Variants in TSHZ2 observed in about 807,000 individuals in gnomAD.
TSHZ2 encodes teashirt zinc finger homeobox 2, also known as teashirt homolog 2.
A neutral mutation model predicts 74.4 loss-of-function variants in TSHZ2; 21 were observed. The observed-to-expected ratio is 0.28, with a 90% confidence interval of 0.20 to 0.41. The LOEUF (loss-of-function observed/expected upper bound fraction) is 0.41. Among genes scored for constraint, TSHZ2 ranks in the 10% least tolerant of loss-of-function variants. The probability of loss-of-function intolerance (pLI) is 1.00; values close to 1 mark genes in which losing one functional copy is unlikely to be tolerated. For synonymous variants in TSHZ2, 540 were observed against 515.3 expected, an observed-to-expected ratio of 1.05 and a Z score of -0.65; for missense variants, 1,244 against 1,293.5, an observed-to-expected ratio of 0.96 and a Z score of 0.59.
chr20:53,393,618 T>C (rs1291750657), intron 2 of TSHZ2, among the ~76,000 whole-genome samples: 1 of 151,976 alleles, frequency 6.6e-6, no homozygotes, highest in Non-Finnish European at 1.5e-5. Flanking sequence ...CGGTGGTGAT[T>C]ACATAAATCT....
At chr20:53,369,823 C>T (rs528130767) in intron 2 of TSHZ2, among the ~76,000 whole-genome samples, 5 of 152,290 alleles carry the variant, frequency 3.3e-5, no homozygotes, top group East Asian at 3.9e-4. Context: ...AGGTTTTCAA[C>T]GACCTCATGA....
chr20:53,123,283 G>A (rs1289273751), intron 1 of TSHZ2, among the ~76,000 whole-genome samples: 1 of 152,158 alleles, frequency 6.6e-6, no homozygotes, highest in Non-Finnish European at 1.5e-5. Context: ...CATTTTTTTA[G>A]CTCACCAGTC....
At position 53,255,075 on chromosome 20, in the gene TSHZ2, T is replaced by C. The variant is rs1990434669; in HGVS notation, c.1617T>C (p.Ser539=). Residue 539 remains serine (S), a synonymous_variant, in exon 2 of 3, where the codon AGT becomes AGC. Transcript: ENST00000371497. This position sits in a 1 kb window ranked among gnomAD's most constrained non-coding sequence, Gnocchi z 4.1. ...NKAQNGAPSW[S]AYPSIHAAYQ... ...CCCAAAACGGGGCCCCCAGCTGGAGTGCCTACCCCAGCATCCACGCAGCCT... is the reference window on the plus strand; with the variant it reads ...CCCAAAACGGGGCCCCCAGCTGGAGCGCCTACCCCAGCATCCACGCAGCCT... 1 of 1,613,896 alleles carries C rather than the reference T, an allele frequency of 6.2e-7. No individual in the cohort carries two copies. The highest frequency in any genetic ancestry group is 1.3e-5 in the African/African-American group (1 of 74,928).
chr20:53,250,322 A>G (rs1268492007), intron 1 of TSHZ2, among the ~76,000 whole-genome samples: 1 of 152,182 alleles, frequency 6.6e-6, no homozygotes, highest in Non-Finnish European at 1.5e-5. Context: ...ACAAGATGCA[A>G]TCTTATTAAA....
At chr20:53,250,566 G>C (rs1990302733) in intron 1 of TSHZ2, among the ~76,000 whole-genome samples, 2 of 152,176 alleles carry the variant, frequency 1.3e-5, no homozygotes, top group Admixed American at 1.3e-4. Flanking sequence ...CTTTTTGTAT[G>C]AGGCTTTTCA....
At chr20:53,049,469 A>G (rs915994123) in intron 1 of TSHZ2, among the ~76,000 whole-genome samples, 1 of 151,986 alleles carries the variant, frequency 6.6e-6, no homozygotes, top group African/African-American at 2.4e-5. Flanking sequence ...TACTTTTCCC[A>G]AGCTGAGGCA....
intron 2 of TSHZ2, among the ~76,000 whole-genome samples, chr20:53,343,371 G>A (rs1247624729): frequency 6.6e-6 from 1 of 152,094 alleles, no homozygotes; most frequent in Non-Finnish European, 1.5e-5. Flanking sequence ...GAACAAACAC[G>A]GTAACTGCTG....
Position 53,255,645 on chromosome 20 carries a change from C to A in TSHZ2, c.2187C>A (p.Phe729Leu). 6.3e-7 allele frequency: 1 copy of A among 1,574,966 alleles called. No homozygotes were observed. Among genetic ancestry groups the A allele is most frequent in the Admixed American group, 1.8e-5 (1 of 54,798 alleles). Residue 729 changes from phenylalanine (F) to leucine (L), a missense_variant, in exon 2 of 3, where the codon TTC (phenylalanine) becomes TTA (leucine). This residue lies in a region of TSHZ2 where 562 missense variants were observed against 544.0 expected (regional missense o/e 1.03). Coordinates refer to ENST00000371497, the MANE Select transcript of TSHZ2 (RefSeq NM_173485.6). This position sits in a 1 kb window ranked among gnomAD's most constrained non-coding sequence, Gnocchi z 4.1. ...CAAGTTCAAGCACAATTTCCATGTT[C>A]CACAAGTCGAATCTCAATGTCATGG... ...SSPSSSTISM[F>L]HKSNLNVMDK...
chr20:53,149,831 A>G (rs1486285045), intron 1 of TSHZ2, among the ~76,000 whole-genome samples: 2 of 152,322 alleles, frequency 1.3e-5, no homozygotes, highest in East Asian at 1.9e-4. Flanking sequence ...CATTTACAGC[A>G]TCCTGTTTGC....
chr20:53,015,060 T>C (rs1294072555), intron 1 of TSHZ2, among the ~76,000 whole-genome samples: 2 of 152,118 alleles, frequency 1.3e-5, no homozygotes, highest in African/African-American at 4.8e-5. Flanking sequence ...TGTCTTTCCT[T>C]CTGTTTCTGA....
At chr20:53,058,735 G>A (rs1386463924) in intron 1 of TSHZ2, among the ~76,000 whole-genome samples, 1 of 152,204 alleles carries the variant, frequency 6.6e-6, no homozygotes, top group Non-Finnish European at 1.5e-5. Flanking sequence ...AAATAGGCCT[G>A]ACCAGGTGGC....
chr20:53,162,703 G>T (rs970472953), intron 1 of TSHZ2, among the ~76,000 whole-genome samples: 2 of 152,120 alleles, frequency 1.3e-5, no homozygotes, highest in Non-Finnish European at 2.9e-5. Flanking sequence ...GAAAGGAGGG[G>T]CTATGCTCCA....
chr20:53,298,585 T>C (rs1314805452), intron 2 of TSHZ2, among the ~76,000 whole-genome samples: 1 of 152,178 alleles, frequency 6.6e-6, no homozygotes, highest in Non-Finnish European at 1.5e-5. Context: ...GGGATAGTAC[T>C]GAGGCAGGGA....
intron 1 of TSHZ2, among the ~76,000 whole-genome samples, chr20:53,055,981 A>G (rs6097212): frequency 0.016 from 2,361 of 152,316 alleles, 62 homozygotes; most frequent in African/African-American, 0.049. Context: ...ATGTTTGCCA[A>G]CCTAAGACTT....
At chr20:52,990,008 C>T (rs1354070879) in intron 1 of TSHZ2, among the ~76,000 whole-genome samples, 3 of 151,742 alleles carry the variant, frequency 2.0e-5, no homozygotes, top group Non-Finnish European at 4.4e-5. Flanking sequence ...AATATTCCAT[C>T]ATAAGAATGT....
At chr20:53,380,850 C>T (rs1981831540) in intron 2 of TSHZ2, among the ~76,000 whole-genome samples, 1 of 152,162 alleles carries the variant, frequency 6.6e-6, no homozygotes, top group Non-Finnish European at 1.5e-5. Context: ...TAACTATTAT[C>T]ATTATATTAT....
At chr20:53,407,112 T>A (rs1374077521) in intron 2 of TSHZ2, among the ~76,000 whole-genome samples, 1 of 152,218 alleles carries the variant, frequency 6.6e-6, no homozygotes, top group African/African-American at 2.4e-5. Flanking sequence ...CCCACATTTC[T>A]CTAGAAAAAT....
At chr20:53,085,754 G>T (rs1384727131) in intron 1 of TSHZ2, among the ~76,000 whole-genome samples, 4 of 152,242 alleles carry the variant, frequency 2.6e-5, no homozygotes, top group Non-Finnish European at 5.9e-5. Flanking sequence ...TAAACACTAT[G>T]CCCCCAGGAT....
At chr20:53,180,891 A>G (rs1988451875) in intron 1 of TSHZ2, among the ~76,000 whole-genome samples, 1 of 152,190 alleles carries the variant, frequency 6.6e-6, no homozygotes, top group South Asian at 2.1e-4. Context: ...GTTTTGCAGA[A>G]TAATATAAAT....
Sources: gnomAD v4.1 joint callset for allele counts (sites outside exome capture counted in the v4.1 genomes callset) on GRCh38, gnomAD v4.1.1 for gene constraint, gnomAD v4.1.1 regional missense constraint, Gnocchi (gnomAD v3.1) non-coding constraint, MANE v1.5 for transcripts, NCBI Gene and HGNC (gene_info 2026-07-23, HGNC 2026-07-21) for gene names.